GABRA3: variants seen among roughly 807,000 people sequenced by gnomAD.
GABRA3 encodes the protein gamma-aminobutyric acid type A receptor subunit alpha3.
GABRA3 carries 10 observed loss-of-function variants against 30.1 expected under a neutral mutation model. The ratio of observed to expected loss-of-function variants is 0.33; its 90% confidence interval spans 0.20 to 0.56. GABRA3 has a LOEUF of 0.56. Among genes scored for constraint, GABRA3 ranks in the 20% least tolerant of loss-of-function variants. The pLI, the probability that GABRA3 is intolerant of heterozygous loss-of-function variation, is 0.89. For missense variants in GABRA3, 233 were observed against 392.0 expected, an observed-to-expected ratio of 0.59 and a Z score of 3.42; for synonymous variants, 151 against 146.8, an observed-to-expected ratio of 1.03 and a Z score of -0.21.
chrX:152,295,337 G>A (rs1407896875), intron 3 of GABRA3, among the ~76,000 whole-genome samples: 1 of 112,758 alleles, frequency 8.9e-6, no homozygotes, highest in Non-Finnish European at 1.9e-5. Flanking sequence ...TTGCTGAGCT[G>A]TGGTGTGCTC....
At chrX:152,383,152 C>T (rs1055299976) in intron 1 of GABRA3, among the ~76,000 whole-genome samples, 26 of 108,538 alleles carry the variant, frequency 2.4e-4, no homozygotes, top group African/African-American at 5.0e-4. Flanking sequence ...TTTGGGAGGC[C>T]GAGGCAGGCA....
chrX:152,340,269 C>A (rs1321036408), intron 3 of GABRA3, among the ~76,000 whole-genome samples: 4 of 112,319 alleles, frequency 3.6e-5, no homozygotes, highest in Non-Finnish European at 5.6e-5. Flanking sequence ...TGTTCAATGG[C>A]ATATTTCCAC....
At chrX:152,385,881 T>C (rs1345436075) in intron 1 of GABRA3, among the ~76,000 whole-genome samples, 25 of 111,414 alleles carry the variant, frequency 2.2e-4, no homozygotes, top group African/African-American at 8.1e-4. Context: ...TTTCTCACGT[T>C]TGTCAAAGAT....
At chrX:152,286,857 T>C (rs1939305956) in intron 3 of GABRA3, among the ~76,000 whole-genome samples, 1 of 112,047 alleles carries the variant, frequency 8.9e-6, no homozygotes, top group Non-Finnish European at 1.9e-5. Context: ...GCAAATAACA[T>C]GTCTCTGAAA....
At chrX:152,406,505 G>A (rs1412850070) in intron 1 of GABRA3, among the ~76,000 whole-genome samples, 1 of 106,122 alleles carries the variant, frequency 9.4e-6, no homozygotes, top group African/African-American at 3.4e-5. Flanking sequence ...GTAATTATAT[G>A]ATAATAAAGG....
intron 1 of GABRA3, among the ~76,000 whole-genome samples, chrX:152,385,973 C>A (rs1415358037): frequency 9.1e-6 from 1 of 110,244 alleles, no homozygotes; most frequent in Admixed American, 9.7e-5. Context: ...GGTACCAGTA[C>A]CATGCTGTTT....
intron 1 of GABRA3, among the ~76,000 whole-genome samples, chrX:152,382,127 C>T: frequency 8.9e-6 from 1 of 112,094 alleles, no homozygotes; most frequent in East Asian, 2.8e-4. Flanking sequence ...AGGATATTAA[C>T]AGACACTTCT....
At chrX:152,199,172 C>G (rs1569353427) in intron 7 of GABRA3, among the ~76,000 whole-genome samples, 1 of 110,110 alleles carries the variant, frequency 9.1e-6, no homozygotes, top group Non-Finnish European at 1.9e-5. Context: ...CGAGACCATC[C>G]TGGCTAACAT....
At chrX:152,370,909 G>C (rs1256037866) in intron 1 of GABRA3, among the ~76,000 whole-genome samples, 1 of 110,713 alleles carries the variant, frequency 9.0e-6, no homozygotes, top group Non-Finnish European at 1.9e-5. Context: ...TCTTAGAATT[G>C]CTCATCATCA....
rs969860110 is a variant in GABRA3, at chrX:152,439,505, G to A, written c.-27+11641C>T. On this transcript the variant is annotated intron_variant, in intron 1 of 9. Coordinates refer to ENST00000370314, the MANE Select transcript of GABRA3 (RefSeq NM_000808.4). ...GCTGAGACTCTTACACACTGCCGGT[G>A]GGAATGCAAAATTATATAGCCACTT... 2.7e-5 allele frequency among the ~76,000 whole-genome samples: 3 copies of A among 111,267 alleles called. No homozygotes were observed. The Admixed American group carries it at 2.9e-4, about 11-fold the overall frequency.
At chrX:152,376,663 T>C (rs1420608862) in intron 1 of GABRA3, among the ~76,000 whole-genome samples, 1 of 111,911 alleles carries the variant, frequency 8.9e-6, no homozygotes, top group Admixed American at 9.5e-5. Context: ...TTCTTTCTTT[T>C]ATCAATCAAG....
At chrX:152,387,149 G>A (rs1487512586) in intron 1 of GABRA3, among the ~76,000 whole-genome samples, 1 of 99,608 alleles carries the variant, frequency 1.0e-5, no homozygotes, top group East Asian at 3.2e-4. Flanking sequence ...GACTGTTGTG[G>A]GGTAGGGGGA....
At chrX:152,178,458 T>A (rs1937103228) in intron 9 of GABRA3, among the ~76,000 whole-genome samples, 1 of 111,792 alleles carries the variant, frequency 8.9e-6, no homozygotes, top group African/African-American at 3.3e-5. Context: ...ACCCATAGAC[T>A]TAAAAGCCAT....
intron 6 of GABRA3, among the ~76,000 whole-genome samples, chrX:152,214,985 T>TAC (rs1199022221): frequency 9.4e-5 from 10 of 106,904 alleles, no homozygotes; most frequent in Non-Finnish European, 1.4e-4. Flanking sequence ...GATATATGTA[T>TAC]ACACACACAC....
intron 9 of GABRA3, among the ~76,000 whole-genome samples, chrX:152,176,013 G>A (rs187828414): frequency 4.6e-5 from 5 of 109,273 alleles, no homozygotes; most frequent in Non-Finnish European, 9.5e-5. Flanking sequence ...GCAGTGAGCC[G>A]AGATTGCACC....
chrX:152,417,448 A>T (rs1930256272), intron 1 of GABRA3, among the ~76,000 whole-genome samples: 1 of 109,906 alleles, frequency 9.1e-6, no homozygotes, highest in African/African-American at 3.3e-5. Context: ...TAGTTCAACC[A>T]CTGTGGAAGT....
At chrX:152,323,521 C>CCTG (rs1177467401) in intron 3 of GABRA3, among the ~76,000 whole-genome samples, 1 of 111,548 alleles carries the variant, frequency 9.0e-6, no homozygotes, top group African/African-American at 3.3e-5. Flanking sequence ...GTGAAAGTGC[C>CCTG]CTGCCAGCAT....
intron 1 of GABRA3, chrX:152,392,294 T>C (rs1250754220): frequency 5.2e-6 from 2 of 385,268 alleles, no homozygotes; most frequent in Admixed American, 2.6e-5. Flanking sequence ...TTGACCACGA[T>C]GCACACTCAG....
At chrX:152,292,301 CAT>C (rs1182733803) in intron 3 of GABRA3, among the ~76,000 whole-genome samples, 4 of 111,866 alleles carry the variant, frequency 3.6e-5, no homozygotes, top group African/African-American at 1.3e-4. Flanking sequence ...AGTTTATTTG[CAT>C]AGAGGTGTTT....
Sources: allele counts gnomAD v4.1 joint callset (sites outside exome capture counted in the v4.1 genomes callset), GRCh38; gene constraint gnomAD v4.1.1; transcripts MANE v1.5; gene names NCBI Gene and HGNC (gene_info 2026-07-23, HGNC 2026-07-21).